Variants in RNF212B observed in about 807,000 individuals in gnomAD.
The protein encoded by RNF212B is ring finger protein 212B.
In RNF212B, 52 loss-of-function variants were observed where a neutral mutation model predicts 55.5. The ratio of observed to expected loss-of-function variants is 0.94; its 90% CI spans 0.75 to 1.18. The LOEUF is 1.18. RNF212B is among the 50% of genes most tolerant of loss of function. RNF212B has a pLI of 0.00. For synonymous variants in RNF212B, 99 were observed against 121.4 expected (o/e 0.82, Z 1.21); for missense variants, 289 against 350.4 (o/e 0.82, Z 1.40).
chr14:23,191,315 C>G (rs1333312257), intron 1 of RNF212B, among the ~76,000 whole-genome samples: 1 of 148,086 alleles, frequency 6.8e-6, no homozygotes, highest in Non-Finnish European at 1.5e-5. Flanking sequence ...CGAGATCGCA[C>G]TGCACCCTGG....
intron 2 of RNF212B, among the ~76,000 whole-genome samples, chr14:23,216,879 CAAAAAAA>C (rs59923716): frequency 8.2e-4 from 40 of 48,756 alleles, no homozygotes; most frequent in African/African-American, 1.9e-3. Flanking sequence ...GACCCTGTCT[CAAAAAAA>C]AAAAAAAAAA....
intron 6 of RNF212B, 141 bp from the exon 7 acceptor site, chr14:23,260,518 T>C (rs1885215036): frequency 4.2e-6 from 3 of 721,550 alleles, no homozygotes; most frequent in Non-Finnish European, 7.3e-6. Flanking sequence ...GAAATACTGC[T>C]GCTACTTTTC....
chr14:23,269,053 C>G, intron 12 of RNF212B, 90 bp downstream of exon 12: 1 of 1,111,608 alleles, frequency 9.0e-7, no homozygotes, highest in Non-Finnish European at 1.3e-6. Flanking sequence ...GCCTGTAATC[C>G]CAGCACTTTG....
At chr14:23,220,404 C>A (rs1322646031) in intron 2 of RNF212B, among the ~76,000 whole-genome samples, 5 of 151,940 alleles carry the variant, frequency 3.3e-5, no homozygotes, top group South Asian at 4.1e-4. Flanking sequence ...TGGTGGTGCA[C>A]ACCTGTAGTT....
chr14:23,186,345 CATT>C (rs1210082854), intron 1 of RNF212B, among the ~76,000 whole-genome samples: 2 of 51,506 alleles, frequency 3.9e-5, no homozygotes, highest in African/African-American at 7.1e-5. Context: ...AAATTTTGAG[CATT>C]TTTTTTTTTT....
At chr14:23,262,120 C>T (rs962814829) in intron 7 of RNF212B, among the ~76,000 whole-genome samples, 6 of 152,158 alleles carry the variant, frequency 3.9e-5, no homozygotes, top group Non-Finnish European at 5.9e-5. Context: ...TTTTGTCCTT[C>T]TATACTTCTG....
intron 11 of RNF212B, among the ~76,000 whole-genome samples, chr14:23,266,602 C>T (rs940925606): frequency 1.5e-4 from 22 of 151,072 alleles, no homozygotes; most frequent in Admixed American, 1.5e-3. Context: ...TTAGTAGACA[C>T]GGGGTTTCTC....
At chr14:23,228,231 T>A (rs999148373) in intron 2 of RNF212B, among the ~76,000 whole-genome samples, 1 of 142,790 alleles carries the variant, frequency 7.0e-6, no homozygotes, top group Non-Finnish European at 1.5e-5. Flanking sequence ...AAACTCTGTC[T>A]AAAAAAAAAA....
At chr14:23,232,971 G>A (rs1419668159), upstream of RNF212B, among the ~76,000 whole-genome samples, 1 of 152,240 alleles carries the variant, frequency 6.6e-6, no homozygotes, top group East Asian at 1.9e-4. Context: ...TAGAAAAGGG[G>A]GAAAGGTGGG....
chr14:23,264,858 G>A (rs1012065438), intron 11 of RNF212B, among the ~76,000 whole-genome samples, 187 bp downstream of exon 11: 2 of 129,190 alleles, frequency 1.5e-5, no homozygotes, highest in African/African-American at 5.5e-5. Context: ...ATTTACTCTT[G>A]TTGCCCAGGC....
intron 1 of RNF212B, among the ~76,000 whole-genome samples, chr14:23,191,520 TA>T (rs1878123294): frequency 6.6e-6 from 1 of 152,092 alleles, no homozygotes; most frequent in Non-Finnish European, 1.5e-5. Flanking sequence ...TTGGTTTTTC[TA>T]GGGGGTAATG....
At chr14:23,258,712 T>TC in intron 5 of RNF212B, 48 bp downstream of exon 5, 4 of 767,530 alleles carry the variant, frequency 5.2e-6, no homozygotes, top group East Asian at 6.1e-5. Flanking sequence ...TTTTTTTTTT[T>TC]CTAAGAAGTG....
chr14:23,231,901 C>T (rs898935698), intron 2 of RNF212B, among the ~76,000 whole-genome samples: 7 of 152,192 alleles, frequency 4.6e-5, no homozygotes, highest in Non-Finnish European at 2.9e-5. Context: ...CTCGGCCTCC[C>T]GAGGTGCCGG....
intron 2 of RNF212B, among the ~76,000 whole-genome samples, chr14:23,229,361 T>C (rs1344555938): frequency 2.7e-5 from 4 of 150,806 alleles, no homozygotes; most frequent in Admixed American, 6.6e-5. Context: ...TGTACACATA[T>C]CTGTTTGAGC....
At chr14:23,262,621 C>T in intron 7 of RNF212B, 44 bp from the exon 8 acceptor site, 1 of 1,528,826 alleles carries the variant, frequency 6.5e-7, no homozygotes, top group Non-Finnish European at 8.8e-7. Context: ...CACTTGACCT[C>T]TGCCTAGAGA....
At position 23,229,222 on chromosome 14, in the gene RNF212B, A is replaced by T. The variant is rs80261976; in HGVS notation, c.-1-11123A>T. ...TTCCTTTATGGCTGAATAATATTTTATATATATATATATATATATATATAT... is the reference window on the plus strand; with the variant it reads ...TTCCTTTATGGCTGAATAATATTTTTTATATATATATATATATATATATAT... On this transcript the variant is annotated intron_variant, in intron 2 of 15. Coordinates refer to the RNF212B transcript ENST00000399910. Among the ~76,000 whole-genome samples, 128 of 32,514 alleles carry T rather than the reference A, an allele frequency of 3.9e-3. 2 individuals are homozygous for T. Among genetic ancestry groups the T allele is most frequent in the East Asian group, 0.014 (23 of 1,648 alleles). The allele number at this position is 32,514 out of a possible 152,430, so 21.3% of individuals were successfully genotyped here.
chr14:23,186,701 C>T (rs1205300246), intron 1 of RNF212B, among the ~76,000 whole-genome samples: 1 of 152,136 alleles, frequency 6.6e-6, no homozygotes, highest in Non-Finnish European at 1.5e-5. Flanking sequence ...AAATGGTTTT[C>T]TGAACAATAT....
Position 23,270,511 on chromosome 14 carries a change from A to G in RNF212B, c.773-89A>G, listed in dbSNP as rs1477496619. The G allele has an allele frequency of 7.1e-6, 6 of 845,490 alleles. No individual in the cohort carries two copies. In the East Asian group the frequency reaches 1.6e-4, roughly 22 times the overall value. 52.4% of individuals were successfully genotyped at this position (845,490 alleles called of 1,614,324 possible). On this transcript the variant is annotated intron_variant, in intron 13 of 14. Coordinates refer to ENST00000430154, the MANE Select transcript of RNF212B (RefSeq NM_001282322.3). ...TTCCCTTCTGAGTAGTGTTCCTTTAAGAACTACCTCATTACCCTGACCCAC... is the reference window on the plus strand; with the variant it reads ...TTCCCTTCTGAGTAGTGTTCCTTTAGGAACTACCTCATTACCCTGACCCAC...
At chr14:23,240,272 A>G (rs1883472981) in intron 1 of RNF212B, 73 bp from the exon 2 acceptor site, 2 of 989,424 alleles carry the variant, frequency 2.0e-6, no homozygotes, top group East Asian at 2.6e-5. Flanking sequence ...AAGCACGGTT[A>G]CATAGATTTT....
Sources: gnomAD v4.1 joint callset for allele counts (sites outside exome capture counted in the v4.1 genomes callset) on GRCh38, gnomAD v4.1.1 for gene constraint, MANE v1.5 for transcripts, NCBI Gene and HGNC (gene_info 2026-07-23, HGNC 2026-07-21) for gene names.